Variants in MCUB observed in about 807,000 individuals in gnomAD.
MCUB encodes the protein mitochondrial calcium uniporter dominant negative subunit beta.
A neutral mutation model predicts 41.4 loss-of-function variants in MCUB; 46 were observed. That is an observed-to-expected ratio of 1.11 (90% CI 0.88 to 1.42). The LOEUF (loss-of-function observed/expected upper bound fraction) is 1.42. Among genes scored for constraint, MCUB ranks in the 40% most tolerant of loss-of-function variants. MCUB has a pLI of 0.00. For synonymous variants in MCUB, 148 were observed against 148.2 expected (o/e 1.00, Z 0.01); for missense variants, 403 against 404.9 (o/e 1.00, Z 0.04).
chr4:109,605,103 T>C (rs1727840411), intron 1 of MCUB, among the ~76,000 whole-genome samples: 1 of 152,234 alleles, frequency 6.6e-6, no homozygotes, highest in African/African-American at 2.4e-5. Flanking sequence ...ATATTAGTTC[T>C]TCTTTAAATG....
chr4:109,611,946 C>T (rs1451202512), intron 1 of MCUB, among the ~76,000 whole-genome samples: 4 of 152,168 alleles, frequency 2.6e-5, no homozygotes, highest in Non-Finnish European at 5.9e-5. Flanking sequence ...TTGATCTCCT[C>T]GACTAGACTT....
chr4:109,577,348 C>G (rs1727054260), intron 1 of MCUB, among the ~76,000 whole-genome samples: 1 of 152,176 alleles, frequency 6.6e-6, no homozygotes, highest in Non-Finnish European at 1.5e-5. Context: ...CCTTTTGTTT[C>G]ATTAATAATA....
At chr4:109,614,193 A>G (rs1728077664) in intron 1 of MCUB, among the ~76,000 whole-genome samples, 1 of 152,170 alleles carries the variant, frequency 6.6e-6, no homozygotes, top group Non-Finnish European at 1.5e-5. Flanking sequence ...AAAGTCCAGA[A>G]CATTACAGCG....
intron 1 of MCUB, among the ~76,000 whole-genome samples, chr4:109,600,789 T>G (rs942046256): frequency 6.6e-6 from 1 of 151,720 alleles, no homozygotes; most frequent in Admixed American, 6.6e-5. Context: ...GTATTTTTAT[T>G]ATATATATAT....
At chr4:109,562,511 C>T (rs1269445652) in intron 1 of MCUB, among the ~76,000 whole-genome samples, 3 of 152,194 alleles carry the variant, frequency 2.0e-5, no homozygotes, top group African/African-American at 7.2e-5. Flanking sequence ...ACCTGGCTAT[C>T]GGGACATTTT....
At chr4:109,599,354 G>C in intron 1 of MCUB, among the ~76,000 whole-genome samples, 1 of 151,856 alleles carries the variant, frequency 6.6e-6, no homozygotes, top group African/African-American at 2.4e-5. Context: ...AAACATCTTG[G>C]GAGTTATGAA....
chr4:109,609,218 G>T (rs975907849), intron 1 of MCUB, among the ~76,000 whole-genome samples: 24 of 152,206 alleles, frequency 1.6e-4, no homozygotes, highest in African/African-American at 5.8e-4. Context: ...CAAAGTGAAA[G>T]TAAGTTTATT....
chr4:109,687,705 T>C lies in MCUB; in HGVS notation c.*113T>C. The C allele has an allele frequency of 1.4e-6, 1 of 693,174 alleles. No individual in the cohort carries two copies. The highest frequency in any genetic ancestry group is 2.5e-6 in the Non-Finnish European group (1 of 405,084). The allele number at this position is 693,174 out of a possible 1,614,324, so 42.9% of individuals were successfully genotyped here. On this transcript the variant is annotated 3_prime_UTR_variant, in exon 8 of 8. Coordinates refer to ENST00000394650, the MANE Select transcript of MCUB (RefSeq NM_017918.5). ...TGTTTAATCTTTGTTATTAAATTCT[T>C]GTAAAACAGAAGTATTGTTTGAAGT...
In MCUB at chr4:109,671,997, G is replaced by A. The variant is rs996084455; in HGVS notation, c.451+7603G>A. On this transcript the variant is annotated intron_variant, in intron 4 of 7. Transcript: ENST00000394650. Reference sequence around the variant, plus strand: ...ATAAATTCTTTCTCAAATAGAATCTGTGCCTTGTATAAAACTGGAGCCCTG... The same window carrying A: ...ATAAATTCTTTCTCAAATAGAATCTATGCCTTGTATAAAACTGGAGCCCTG... Among the ~76,000 whole-genome samples, 8 of 152,120 alleles carry A rather than the reference G, an allele frequency of 5.3e-5. No homozygotes were observed. In the East Asian group the frequency reaches 1.2e-3, roughly 22 times the overall value.
intron 1 of MCUB, among the ~76,000 whole-genome samples, chr4:109,646,840 A>G (rs1396716888): frequency 6.6e-6 from 1 of 152,172 alleles, no homozygotes; most frequent in African/African-American, 2.4e-5. Context: ...TACATGTGGT[A>G]TCTTATTTAA....
chr4:109,632,047 T>G (rs1728484720), intron 1 of MCUB, among the ~76,000 whole-genome samples: 1 of 152,118 alleles, frequency 6.6e-6, no homozygotes, highest in Non-Finnish European at 1.5e-5. Flanking sequence ...ACACCCTCTT[T>G]GAAGAGGTCC....
intron 1 of MCUB, among the ~76,000 whole-genome samples, chr4:109,586,974 A>G (rs370325921): frequency 3.3e-5 from 5 of 152,194 alleles, no homozygotes; most frequent in Admixed American, 6.5e-5. Flanking sequence ...TGCTGGGAGA[A>G]CTACTGCTCT....
At chr4:109,666,352 T>G (rs1262684351) in intron 4 of MCUB, among the ~76,000 whole-genome samples, 1 of 152,194 alleles carries the variant, frequency 6.6e-6, no homozygotes, top group Non-Finnish European at 1.5e-5. Flanking sequence ...GTGAGAGTGT[T>G]TAGTTTTGTG....
chr4:109,585,452 A>G (rs1188601705), intron 1 of MCUB, among the ~76,000 whole-genome samples: 1 of 152,186 alleles, frequency 6.6e-6, no homozygotes, highest in Non-Finnish European at 1.5e-5. Flanking sequence ...TTTTACATTT[A>G]AGATTAATAT....
intron 1 of MCUB, among the ~76,000 whole-genome samples, chr4:109,571,718 C>CTGTT (rs1726921491): frequency 6.6e-6 from 1 of 152,252 alleles, no homozygotes; most frequent in Non-Finnish European, 1.5e-5. Flanking sequence ...CTAAGCTGAC[C>CTGTT]TGTTCCTTTG....
chr4:109,592,240 T>A (rs185048545), intron 1 of MCUB, among the ~76,000 whole-genome samples: 1 of 151,700 alleles, frequency 6.6e-6, no homozygotes, highest in African/African-American at 2.4e-5. Context: ...CGAAACCCCA[T>A]CTCTACTAAA....
intron 1 of MCUB, among the ~76,000 whole-genome samples, chr4:109,567,131 CAAA>C (rs397994929): frequency 7.1e-5 from 4 of 55,998 alleles, no homozygotes; most frequent in South Asian, 1.4e-3. Context: ...GACTCCATCT[CAAA>C]AAAAAAAAAA....
chr4:109,580,194 G>A (rs941805834), intron 1 of MCUB, among the ~76,000 whole-genome samples: 2 of 152,116 alleles, frequency 1.3e-5, no homozygotes, highest in Non-Finnish European at 2.9e-5. Context: ...CCATGTCCCT[G>A]CAAAGGACAT....
intron 1 of MCUB, among the ~76,000 whole-genome samples, chr4:109,603,744 C>G (rs197208): frequency 0.5 from 74,560 of 150,384 alleles, 18,986 homozygotes; most frequent in South Asian, 0.61. Context: ...CCCCTCCGCC[C>G]GGCAGCTGCC....
Sources: gnomAD v4.1 joint callset for allele counts (sites outside exome capture counted in the v4.1 genomes callset) on GRCh38, gnomAD v4.1.1 for gene constraint, MANE v1.5 for transcripts, NCBI Gene and HGNC (gene_info 2026-07-23, HGNC 2026-07-21) for gene names.